The following SH3PXD2A variants were observed in gnomAD, a reference collection of about 807,000 sequenced individuals.
SH3PXD2A encodes the protein SH3 and PX domains 2A.
A neutral mutation model predicts 115.2 loss-of-function variants in SH3PXD2A; 32 were observed. The observed-to-expected ratio is 0.28, with a 90% CI of 0.21 to 0.37. The LOEUF (loss-of-function observed/expected upper bound fraction) is 0.37. SH3PXD2A is among the 10% of genes least tolerant of loss of function. The probability of loss-of-function intolerance (pLI) is 1.00; values close to 1 mark genes in which losing one functional copy is unlikely to be tolerated. For synonymous variants in SH3PXD2A, 610 were observed against 629.1 expected, an observed-to-expected ratio of 0.97 and a Z score of 0.45; for missense variants, 1,328 against 1,498.7, an observed-to-expected ratio of 0.89 and a Z score of 1.88.
chr10:103,787,351 A>T (rs1448887328), intron 2 of SH3PXD2A, among the ~76,000 whole-genome samples: 1 of 152,086 alleles, frequency 6.6e-6, no homozygotes, highest in Non-Finnish European at 1.5e-5. Flanking sequence ...ATATGCACCA[A>T]ATATATATAT....
intron 5 of SH3PXD2A, among the ~76,000 whole-genome samples, chr10:103,697,907 TC>T (rs963731214): frequency 9.2e-5 from 14 of 152,212 alleles, no homozygotes; most frequent in Admixed American, 2.0e-4. Context: ...CCTTGAAAAC[TC>T]CCAGGATTTA....
intron 1 of SH3PXD2A, among the ~76,000 whole-genome samples, chr10:103,816,942 TGCCTCA>T (rs1275794619): frequency 1.3e-5 from 2 of 151,372 alleles, no homozygotes; most frequent in Non-Finnish European, 2.9e-5. Context: ...GCAATTCCTC[TGCCTCA>T]GCCTCCTGAC....
chr10:103,720,428 C>G (rs779786747), intron 5 of SH3PXD2A, among the ~76,000 whole-genome samples: 5 of 152,158 alleles, frequency 3.3e-5, no homozygotes, highest in African/African-American at 1.2e-4. Flanking sequence ...GGATCAAAGC[C>G]GAGGCGCTCA....
intron 3 of SH3PXD2A, among the ~76,000 whole-genome samples, chr10:103,740,647 C>T (rs1263077328): frequency 6.6e-6 from 1 of 152,174 alleles, no homozygotes; most frequent in Non-Finnish European, 1.5e-5. Flanking sequence ...AGAGGGCTGG[C>T]CTCGGGACCT....
At chr10:103,853,532 GGC>G (rs1842914806) in intron 1 of SH3PXD2A, among the ~76,000 whole-genome samples, 6 of 152,326 alleles carry the variant, frequency 3.9e-5, no homozygotes, top group Non-Finnish European at 8.8e-5. Flanking sequence ...CTGCATGCCA[GGC>G]TTTGAGCAAG....
At chr10:103,821,608 A>T (rs889116732) in intron 1 of SH3PXD2A, among the ~76,000 whole-genome samples, 2 of 152,076 alleles carry the variant, frequency 1.3e-5, no homozygotes, top group African/African-American at 4.8e-5. Context: ...GCTGGAGTGC[A>T]ATAGCATGAT....
chr10:103,665,150 G>A lies in SH3PXD2A; in HGVS notation c.472+3458C>T, dbSNP rs2037368436. ...AATATGAATACCTTGACTCTGATATGGGAATATGGGAAAATGAGCCAAACT... is the reference window on the plus strand; with the variant it reads ...AATATGAATACCTTGACTCTGATATAGGAATATGGGAAAATGAGCCAAACT... On this transcript the variant is annotated intron_variant, in intron 7 of 14. Coordinates refer to ENST00000369774, the MANE Select transcript of SH3PXD2A (RefSeq NM_001394015.1). The surrounding 1 kb of genome is among the most constrained non-coding windows in gnomAD (Gnocchi z 4.0). Among the ~76,000 whole-genome samples the A allele has an allele frequency of 1.3e-5, 2 of 152,160 alleles. No homozygotes were observed. The highest frequency in any genetic ancestry group is 4.1e-4 in the South Asian group (2 of 4,828).
rs1457949967 is a variant in SH3PXD2A, at chr10:103,746,018, C to T, written c.230-10210G>A. On this transcript the variant is annotated intron_variant, in intron 3 of 14. Coordinates refer to ENST00000369774, the MANE Select transcript of SH3PXD2A (RefSeq NM_001394015.1). This position sits in a 1 kb window ranked among gnomAD's most constrained non-coding sequence, Gnocchi z 4.4. ...CACGACAGAGTGAAGCCTTCACCCT[C>T]CTGCAGCCACGGCTTGCTTGCAGAA... 2 of 152,292 alleles carry T rather than the reference C, an allele frequency of 1.3e-5. No individual in the cohort carries two copies. The highest frequency in any genetic ancestry group is 2.9e-5 in the Non-Finnish European group (2 of 68,074). 9.4% of individuals were successfully genotyped at this position (152,292 alleles called of 1,614,324 possible). A position where few individuals can be genotyped will look rare whatever the true frequency, so the allele number is the denominator to read the frequency against.
intron 1 of SH3PXD2A, among the ~76,000 whole-genome samples, chr10:103,821,773 C>T (rs1435273558): frequency 6.6e-6 from 1 of 152,124 alleles, no homozygotes; most frequent in African/African-American, 2.4e-5. Flanking sequence ...CATCCTGTTG[C>T]CCAGGCTGGT....
chr10:103,674,044 T>C (rs959584714), intron 6 of SH3PXD2A, among the ~76,000 whole-genome samples: 1 of 152,214 alleles, frequency 6.6e-6, no homozygotes, highest in African/African-American at 2.4e-5. Flanking sequence ...TCTTACCTCA[T>C]TGCAGTTTTG....
At chr10:103,742,007 G>T (rs1368312862) in intron 3 of SH3PXD2A, among the ~76,000 whole-genome samples, 1 of 152,102 alleles carries the variant, frequency 6.6e-6, no homozygotes, top group Non-Finnish European at 1.5e-5. Flanking sequence ...AAATCAGCCG[G>T]GCATGGTGGC....
chr10:103,796,616 G>A (rs972564066), intron 2 of SH3PXD2A, among the ~76,000 whole-genome samples: 7 of 152,008 alleles, frequency 4.6e-5, no homozygotes, highest in East Asian at 1.9e-4. Context: ...CTCAGCCTGC[G>A]CCACTTCTGC....
intron 8 of SH3PXD2A, among the ~76,000 whole-genome samples, chr10:103,630,333 G>A (rs2036760012): frequency 6.6e-6 from 1 of 152,212 alleles, no homozygotes; most frequent in African/African-American, 2.4e-5. Flanking sequence ...TCCCACAGAT[G>A]CTGGCTGGAG....
chr10:103,732,175 T>C (rs1213617386), intron 4 of SH3PXD2A, among the ~76,000 whole-genome samples: 2 of 152,202 alleles, frequency 1.3e-5, no homozygotes, highest in African/African-American at 2.4e-5. Flanking sequence ...AGAATATTCA[T>C]TTTATCCCTT....
chr10:103,713,148 T>A (rs1163220385), intron 5 of SH3PXD2A, among the ~76,000 whole-genome samples: 4 of 152,156 alleles, frequency 2.6e-5, no homozygotes, highest in Non-Finnish European at 5.9e-5. Context: ...GACCCAAAGT[T>A]ACAGACGTGC....
intron 10 of SH3PXD2A, 38 bp from the exon 11 acceptor site, chr10:103,617,352 C>A: frequency 6.9e-7 from 1 of 1,458,792 alleles, no homozygotes; most frequent in Admixed American, 1.7e-5. Context: ...TATTTGAGGT[C>A]GGGGTGCAGG....
At chr10:103,686,209 G>C (rs193172847) in intron 6 of SH3PXD2A, among the ~76,000 whole-genome samples, 27 of 152,322 alleles carry the variant, frequency 1.8e-4, no homozygotes, top group African/African-American at 5.8e-4. Context: ...GAACAAGCTT[G>C]TAACAACACT....
intron 6 of SH3PXD2A, among the ~76,000 whole-genome samples, chr10:103,682,131 C>A (rs1269963561): frequency 2.0e-5 from 3 of 152,208 alleles, no homozygotes; most frequent in Admixed American, 2.0e-4. Context: ...GCAAGCAGGG[C>A]TGAGGGAATT....
intron 6 of SH3PXD2A, among the ~76,000 whole-genome samples, chr10:103,676,476 AG>A (rs2037534916): frequency 6.6e-6 from 1 of 152,162 alleles, no homozygotes; most frequent in Non-Finnish European, 1.5e-5. Flanking sequence ...GCCCAGCCTA[AG>A]TGGGTGTGGA....
Sources: allele counts gnomAD v4.1 joint callset (sites outside exome capture counted in the v4.1 genomes callset), GRCh38; gene constraint gnomAD v4.1.1; non-coding constraint Gnocchi (gnomAD v3.1); transcripts MANE v1.5; gene names NCBI Gene and HGNC (gene_info 2026-07-23, HGNC 2026-07-21).